TENM1: variants seen among roughly 807,000 people sequenced by gnomAD.
The protein encoded by TENM1 is teneurin-1.
Under a neutral mutation model 174.8 loss-of-function variants are expected in TENM1, and 35 were observed. That is an observed-to-expected ratio of 0.20 (90% CI 0.15 to 0.27). The LOEUF (loss-of-function observed/expected upper bound fraction) is 0.27, where lower values mean the gene tolerates loss of function less well. TENM1 is among the 10% of genes least tolerant of loss of function. The probability of loss-of-function intolerance (pLI) is 1.00; values close to 1 mark genes in which losing one functional copy is unlikely to be tolerated. For missense variants in TENM1, 1,633 were observed against 2,130.1 expected (o/e 0.77, Z 4.59); for synonymous variants, 781 against 798.7 (o/e 0.98, Z 0.37).
chrX:124,716,684 G>A (rs149436035), intron 4 of TENM1, among the ~76,000 whole-genome samples: 1,181 of 111,891 alleles, frequency 0.011, 13 homozygotes, highest in African/African-American at 0.037. Flanking sequence ...ATTGAATGTA[G>A]GCCCCAAGGA....
chrX:124,381,050 T>C (rs778632146), exon 32 of TENM1: 47 of 1,210,360 alleles, frequency 3.9e-5, no homozygotes, highest in Non-Finnish European at 5.0e-5. Context: ...ATGGGCATTA[T>C]TGAGAATGGC....
intron 1 of TENM1, among the ~76,000 whole-genome samples, chrX:124,939,940 T>C (rs766833877): frequency 1.8e-4 from 20 of 111,999 alleles, no homozygotes; most frequent in Non-Finnish European, 1.3e-4. Context: ...CCAAAATATA[T>C]TGTTTATTAT....
At chrX:124,771,763 T>C (rs2054658945) in intron 3 of TENM1, among the ~76,000 whole-genome samples, 1 of 111,885 alleles carries the variant, frequency 8.9e-6, no homozygotes, top group African/African-American at 3.2e-5. Context: ...AATTCAAAGG[T>C]GTGAGTCATG....
At chrX:124,506,351 A>G (rs1338038226) in intron 18 of TENM1, among the ~76,000 whole-genome samples, 3 of 111,414 alleles carry the variant, frequency 2.7e-5, no homozygotes, top group Admixed American at 1.9e-4. Context: ...GGAGTTCTCA[A>G]TGCAGTGGTA....
chrX:124,578,417 C>A (rs916977337), intron 11 of TENM1, among the ~76,000 whole-genome samples: 1 of 111,378 alleles, frequency 9.0e-6, no homozygotes, highest in African/African-American at 3.3e-5. Flanking sequence ...ATTAAGAGTA[C>A]GGACTCTAAA....
the TENM1 span, among the ~76,000 whole-genome samples, chrX:124,988,137 A>C: frequency 1.3e-4 from 15 of 111,800 alleles, no homozygotes; most frequent in South Asian, 7.3e-4. Context: ...AAATACCTTG[A>C]GATTAAGAAG....
chrX:124,968,346 T>G (rs2058751610), upstream of TENM1, among the ~76,000 whole-genome samples: 1 of 111,985 alleles, frequency 8.9e-6, no homozygotes, highest in Non-Finnish European at 1.9e-5. Flanking sequence ...GATTTAAATT[T>G]AAAAAAGAAA....
chrX:124,382,843 G>A, intron 30 of TENM1, 31 bp from the exon 34 acceptor site: 3 of 1,144,458 alleles, frequency 2.6e-6, no homozygotes, highest in Non-Finnish European at 2.3e-6. Flanking sequence ...AAAAGAAAAT[G>A]AAAAATCCCA....
intron 1 of TENM1, among the ~76,000 whole-genome samples, chrX:124,962,701 C>A (rs2058672682): frequency 9.1e-6 from 1 of 110,242 alleles, no homozygotes; most frequent in Non-Finnish European, 1.9e-5. Flanking sequence ...ACCTGTAATC[C>A]CAGCTACTCA....
chrX:125,109,409 A>G, the TENM1 span, among the ~76,000 whole-genome samples: 1 of 110,339 alleles, frequency 9.1e-6, no homozygotes, highest in Non-Finnish European at 1.9e-5. Flanking sequence ...CGTGTGCAGG[A>G]TGTGCAGGTT....
At chrX:124,500,334 C>G (rs1489097856) in intron 19 of TENM1, among the ~76,000 whole-genome samples, 1 of 112,107 alleles carries the variant, frequency 8.9e-6, no homozygotes, top group East Asian at 2.8e-4. Context: ...TTTGTTGTTT[C>G]AAGAATCTGT....
chrX:124,698,209 G>A (rs1433208043), intron 5 of TENM1, among the ~76,000 whole-genome samples: 1 of 110,321 alleles, frequency 9.1e-6, no homozygotes, highest in African/African-American at 3.3e-5. Context: ...TGTCCTCAAC[G>A]GTAGTTACCT....
the TENM1 span, among the ~76,000 whole-genome samples, chrX:125,195,284 A>G: frequency 1.3e-4 from 15 of 111,983 alleles, no homozygotes; most frequent in Admixed American, 6.6e-4. Flanking sequence ...TTTCAATAGT[A>G]AAGCAGTTCC....
At chrX:125,030,021 T>C in the TENM1 span, among the ~76,000 whole-genome samples, 23 of 112,555 alleles carry the variant, frequency 2.0e-4, no homozygotes, top group South Asian at 7.3e-4. Context: ...TTCAAAGTGA[T>C]TGAAGTTGGT....
chrX:124,384,516 G>A lies in TENM1; in HGVS notation c.6415C>T (p.Arg2139Cys), dbSNP rs769678876. ...ACCCTTATGTCACATATTACCATGC[G>A]GCCCACATTATCATATTGAATGGTC... is the stretch of plus-strand genomic sequence containing the variant. The change falls in exon 30 of 32, where the codon CGC becomes TGC. Residue 2139 changes from arginine to cysteine, a missense_variant. Coordinates refer to ENST00000422452, the Ensembl canonical transcript of TENM1. 1.3e-5 allele frequency: 16 copies of A among 1,209,990 alleles called. No homozygotes were observed. Among genetic ancestry groups the A allele is most frequent in the Non-Finnish European group, 1.8e-5 (16 of 894,652 alleles).
chrX:125,044,181 G>GAAAAAAAAAAA, the TENM1 span, among the ~76,000 whole-genome samples: 1 of 29,630 alleles, frequency 3.4e-5, no homozygotes. Flanking sequence ...AATAAAAAAA[G>GAAAAAAAAAAA]GAAAAAAAAA....
chrX:124,410,604 A>G (rs1323849977), intron 25 of TENM1, among the ~76,000 whole-genome samples: 2 of 111,459 alleles, frequency 1.8e-5, no homozygotes, highest in South Asian at 3.8e-4. Context: ...ACGGGAGAAA[A>G]TTTTTGCAAT....
At chrX:124,698,765 G>C (rs1210484682) in intron 5 of TENM1, among the ~76,000 whole-genome samples, 1 of 110,427 alleles carries the variant, frequency 9.1e-6, no homozygotes, top group Non-Finnish European at 1.9e-5. Flanking sequence ...TTCCTTTTTT[G>C]CTTCCCCAGG....
At chrX:124,446,228 G>C (rs1166230878) in intron 23 of TENM1, among the ~76,000 whole-genome samples, 1 of 111,933 alleles carries the variant, frequency 8.9e-6, no homozygotes, top group African/African-American at 3.2e-5. Flanking sequence ...TGCACACTTG[G>C]GTTCAGAAAG....
Sources: gnomAD v4.1 joint callset for allele counts (sites outside exome capture counted in the v4.1 genomes callset) on GRCh38, gnomAD v4.1.1 for gene constraint, MANE v1.5 for transcripts, NCBI Gene and HGNC (gene_info 2026-07-23, HGNC 2026-07-21) for gene names.